ADAMTS20: variants seen among roughly 807,000 people sequenced by gnomAD.
The protein encoded by ADAMTS20 is ADAM metallopeptidase with thrombospondin type 1 motif 20, also known as A disintegrin and metalloproteinase with thrombospondin motifs 20.
A neutral mutation model predicts 260.1 loss-of-function variants in ADAMTS20; 225 were observed. The observed-to-expected ratio is 0.87, with a 90% CI of 0.78 to 0.97. ADAMTS20 has a LOEUF of 0.97. Ranked by LOEUF, ADAMTS20 falls within the 50% of genes least tolerant of loss-of-function variation. ADAMTS20 has a pLI of 0.00. For missense variants in ADAMTS20, 2,400 were observed against 2,337.7 expected (o/e 1.03, Z -0.55); for synonymous variants, 802 against 769.5 (o/e 1.04, Z -0.70).
intron 37 of ADAMTS20, among the ~76,000 whole-genome samples, chr12:43,364,805 G>A (rs1389225927): frequency 6.6e-6 from 1 of 152,022 alleles, no homozygotes; most frequent in African/African-American, 2.4e-5. Flanking sequence ...GAATATATTT[G>A]AAGAAATAAT....
chr12:43,551,791 C>T lies in ADAMTS20; in HGVS notation c.91+40G>A. ...CTGCATGTCCCACTCGGGCCCCGCG[C>T]CCCCACTTAGCCGCTGAAGGCGTCT... On this transcript the variant is annotated intron_variant, in intron 1 of 38. Coordinates refer to ENST00000389420, the MANE Select transcript of ADAMTS20 (RefSeq NM_025003.5). The surrounding 1 kb of genome is among the most constrained non-coding windows in gnomAD (Gnocchi z 4.6). The T allele has an allele frequency of 6.2e-7, 1 of 1,602,534 alleles. No homozygotes were observed. The highest frequency in any genetic ancestry group is 8.5e-7 in the Non-Finnish European group (1 of 1,171,044).
Position 43,551,730 on chromosome 12 carries a change from C to T in ADAMTS20, c.91+101G>A. On this transcript the variant is annotated intron_variant, in intron 1 of 38. Coordinates refer to ENST00000389420, the MANE Select transcript of ADAMTS20 (RefSeq NM_025003.5). The surrounding 1 kb of genome is among the most constrained non-coding windows in gnomAD (Gnocchi z 4.6). Reference sequence around the variant, plus strand: ...GTCCCGGGAGCTCCAGCAGGGCCAGCGTTCCCCAACGGGCTGAGCCGCTCG... The same window carrying T: ...GTCCCGGGAGCTCCAGCAGGGCCAGTGTTCCCCAACGGGCTGAGCCGCTCG... 8.2e-7 allele frequency: 1 copy of T among 1,222,828 alleles called. No individual in the cohort carries two copies. The highest frequency in any genetic ancestry group is 1.2e-6 in the Non-Finnish European group (1 of 849,862). 75.7% of individuals were successfully genotyped at this position (1,222,828 alleles called of 1,614,324 possible).
At chr12:43,534,199 C>T (rs989377972) in intron 2 of ADAMTS20, among the ~76,000 whole-genome samples, 2 of 136,172 alleles carry the variant, frequency 1.5e-5, no homozygotes, top group African/African-American at 5.5e-5. Flanking sequence ...CAACCTACAA[C>T]ATGGGAGAAA....
rs191959498 is a variant in ADAMTS20, at chr12:43,394,429, A to T, written c.4452+4637T>A. On this transcript the variant is annotated intron_variant, in intron 29 of 38. Coordinates refer to ENST00000389420, the MANE Select transcript of ADAMTS20 (RefSeq NM_025003.5). Reference sequence around the variant, plus strand: ...ACACTTTGAACATCATCCTTCTGTTAATGTAACCTAGTATGTTAGTGATTT... The same window carrying T: ...ACACTTTGAACATCATCCTTCTGTTTATGTAACCTAGTATGTTAGTGATTT... Among the ~76,000 whole-genome samples the T allele has an allele frequency of 2.0e-3, 306 of 152,224 alleles. 1 individual carries two copies. Among genetic ancestry groups the T allele is most frequent in the Middle Eastern group, 6.8e-3 (2 of 294 alleles).
chr12:43,492,367 G>A (rs187340579), intron 6 of ADAMTS20, 138 bp downstream of exon 6: 240 of 1,050,084 alleles, frequency 2.3e-4, no homozygotes, highest in Non-Finnish European at 2.9e-4. Context: ...GCGACAGAGC[G>A]AGACTCTGTC....
chr12:43,434,378 C>A lies in ADAMTS20; in HGVS notation c.2594-7G>T, dbSNP rs762393296. On this transcript the variant is annotated splice_polypyrimidine_tract_variant and splice_region_variant and intron_variant, in intron 18 of 38. Transcript: ENST00000389420. ...ATGTTTCTTCGCTGAAGACCTTGGC[C>A]AAAGTCAAATGAAAATAAAAAATGA... 6.4e-7 allele frequency: 1 copy of A among 1,563,810 alleles called. No homozygotes were observed. The highest frequency in any genetic ancestry group is 2.3e-5 in the East Asian group (1 of 43,580).
chr12:43,496,260 A>G (rs577248751), intron 4 of ADAMTS20, among the ~76,000 whole-genome samples: 1 of 152,334 alleles, frequency 6.6e-6, no homozygotes, highest in Non-Finnish European at 1.5e-5. Flanking sequence ...CTTATGAGAT[A>G]GGAACTATTA....
At chr12:43,440,849 G>A (rs974715521) in intron 16 of ADAMTS20, among the ~76,000 whole-genome samples, 3 of 152,030 alleles carry the variant, frequency 2.0e-5, no homozygotes, top group Admixed American at 2.0e-4. Context: ...CGGATCACGA[G>A]GTCAGGAGAT....
intron 3 of ADAMTS20, among the ~76,000 whole-genome samples, chr12:43,526,606 C>T (rs1943147125): frequency 6.6e-6 from 1 of 152,160 alleles, no homozygotes; most frequent in East Asian, 1.9e-4. Context: ...ACAATGAAAT[C>T]AAGATGGAAA....
chr12:43,520,226 A>G (rs543275185), intron 3 of ADAMTS20, among the ~76,000 whole-genome samples: 11 of 152,232 alleles, frequency 7.2e-5, no homozygotes, highest in African/African-American at 2.2e-4. Context: ...GAAAACATGC[A>G]CATCAGGCAG....
At chr12:43,405,456 AT>A (rs1408305309) in intron 28 of ADAMTS20, among the ~76,000 whole-genome samples, 16 of 135,856 alleles carry the variant, frequency 1.2e-4, no homozygotes, top group African/African-American at 3.9e-4. Context: ...AATAATAATA[AT>A]AATAAATTAA....
At chr12:43,397,002 G>C (rs903108924) in intron 29 of ADAMTS20, among the ~76,000 whole-genome samples, 2 of 152,132 alleles carry the variant, frequency 1.3e-5, no homozygotes, top group African/African-American at 4.8e-5. Context: ...ATCTGTGGCC[G>C]TTCATATTCA....
rs780153600 is a variant in ADAMTS20, at chr12:43,452,648, C to T, written c.1808G>A (p.Arg603Gln). The change falls in exon 13 of 39, where the codon CGA (arginine) becomes CAA (glutamine). Residue 603 changes from arginine to glutamine, a missense_variant. By Grantham distance (43) the Arg-to-Gln change is conservative. Transcript: ENST00000389420. Reference sequence around the variant, plus strand: ...TGGACATGAATCAGTATTACATGATCGAAATTTCATCCTGCGGCCCACACA... The same window carrying T: ...TGGACATGAATCAGTATTACATGATTGAAATTTCATCCTGCGGCCCACACA... ...NYCVGRRMKF[R>Q]SCNTDSCPKG... 3 of 1,611,312 alleles carry T rather than the reference C, an allele frequency of 1.9e-6. No individual in the cohort carries two copies. Among genetic ancestry groups the T allele is most frequent in the South Asian group, 1.1e-5 (1 of 90,670 alleles).
chr12:43,531,711 C>T (rs1033190353), intron 3 of ADAMTS20, among the ~76,000 whole-genome samples: 1 of 151,990 alleles, frequency 6.6e-6, no homozygotes, highest in Non-Finnish European at 1.5e-5. Flanking sequence ...CTGTACTGTA[C>T]ATGGTGACTA....
chr12:43,414,503 A>C (rs751355563), intron 28 of ADAMTS20, among the ~76,000 whole-genome samples: 1 of 152,152 alleles, frequency 6.6e-6, no homozygotes, highest in African/African-American at 2.4e-5. Flanking sequence ...CCCATATATC[A>C]GTAAGATAAT....
chr12:43,437,857 C>T (rs559004542), intron 18 of ADAMTS20, among the ~76,000 whole-genome samples: 3 of 151,958 alleles, frequency 2.0e-5, no homozygotes, highest in South Asian at 4.2e-4. Context: ...TAAAAAACAA[C>T]ATGAACAAAT....
intron 7 of ADAMTS20, among the ~76,000 whole-genome samples, chr12:43,475,117 A>C (rs1232963257): frequency 1.2e-4 from 14 of 113,690 alleles, no homozygotes; most frequent in South Asian, 4.0e-4. Flanking sequence ...AAATCTCCTT[A>C]AGCTGATAAG....
chr12:43,374,139 T>C (rs1388633528), intron 36 of ADAMTS20, among the ~76,000 whole-genome samples: 2 of 152,062 alleles, frequency 1.3e-5, no homozygotes, highest in Non-Finnish European at 2.9e-5. Context: ...AATAAAGAAT[T>C]ACACCCAGAC....
At chr12:43,468,144 AT>A (rs1942189105) in intron 8 of ADAMTS20, among the ~76,000 whole-genome samples, 1 of 152,180 alleles carries the variant, frequency 6.6e-6, no homozygotes, top group African/African-American at 2.4e-5. Flanking sequence ...TTTAAAAAAA[AT>A]CTTTTAGTAA....
Sources: allele counts gnomAD v4.1 joint callset (sites outside exome capture counted in the v4.1 genomes callset), GRCh38; gene constraint gnomAD v4.1.1; non-coding constraint Gnocchi (gnomAD v3.1); transcripts MANE v1.5; gene names NCBI Gene and HGNC (gene_info 2026-07-23, HGNC 2026-07-21).